Variants in SNTG2 observed in about 807,000 individuals in gnomAD.
SNTG2 encodes syntrophin gamma 2.
A neutral mutation model predicts 70.9 loss-of-function variants in SNTG2; 74 were observed. The observed-to-expected ratio is 1.04, with a 90% CI of 0.86 to 1.27. The LOEUF is 1.27. SNTG2 is among the 50% of genes most tolerant of loss of function. The pLI is 0.00. For missense variants in SNTG2, 717 were observed against 690.7 expected (o/e 1.04, Z -0.43); for synonymous variants, 278 against 273.8 (o/e 1.02, Z -0.15).
chr2:1,031,186 C>T (rs548720106), intron 1 of SNTG2, among the ~76,000 whole-genome samples: 2 of 152,210 alleles, frequency 1.3e-5, no homozygotes, highest in East Asian at 3.9e-4. Context: ...AAGCAGCCAC[C>T]TGACTTCTGG....
chr2:1,230,950 G>C (rs1480687372), intron 9 of SNTG2, among the ~76,000 whole-genome samples: 1 of 152,020 alleles, frequency 6.6e-6, no homozygotes. Context: ...AAGTTACTTA[G>C]GATAATGACA....
intron 14 of SNTG2, among the ~76,000 whole-genome samples, chr2:1,278,487 T>G (rs1679362060): frequency 6.6e-6 from 1 of 152,202 alleles, no homozygotes; most frequent in African/African-American, 2.4e-5. Context: ...CAGGAGGTGC[T>G]AGTGAGGTAT....
chr2:1,051,551 T>A (rs1225922515), intron 1 of SNTG2, among the ~76,000 whole-genome samples: 7 of 152,198 alleles, frequency 4.6e-5, no homozygotes, highest in Non-Finnish European at 1.0e-4. Flanking sequence ...CGGGGCAGCT[T>A]CTGTTGTCAT....
chr2:1,026,760 C>G (rs1027147591), intron 1 of SNTG2, among the ~76,000 whole-genome samples: 2 of 152,192 alleles, frequency 1.3e-5, no homozygotes, highest in Admixed American at 1.3e-4. Flanking sequence ...GGCAAATGGT[C>G]TGAGTGCCAT....
chr2:952,494 A>G (rs2147936859), intron 1 of SNTG2, among the ~76,000 whole-genome samples: 1 of 152,378 alleles, frequency 6.6e-6, no homozygotes, highest in Admixed American at 6.5e-5. Flanking sequence ...CGCGTATTCT[A>G]GTAAATGCTC....
chr2:1,012,184 C>G (rs1659746867), intron 1 of SNTG2, among the ~76,000 whole-genome samples: 1 of 152,228 alleles, frequency 6.6e-6, no homozygotes, highest in Admixed American at 6.5e-5. Flanking sequence ...GAAGCCGTAA[C>G]AACACTAAGC....
chr2:1,323,736 C>T (rs965953734), intron 16 of SNTG2, among the ~76,000 whole-genome samples: 2 of 149,206 alleles, frequency 1.3e-5, no homozygotes, highest in Non-Finnish European at 3.0e-5. Flanking sequence ...CCTCCCCCCA[C>T]CCAGTAGTGT....
Position 1,266,751 on chromosome 2 carries a change from C to CTTTTTTTTTTTTTT in SNTG2, c.1078-613_1078-600dup, listed in dbSNP as rs59679083. On this transcript the variant is annotated intron_variant, in intron 13 of 16. Transcript: ENST00000308624. ...AATGTCTCAAGACTTTCATCTTTAT[C>CTTTTTTTTTTTTTT]TTTTTTTTTTTTTTCTTGAGACAGG... is the stretch of plus-strand genomic sequence containing the variant. 4.3e-4 allele frequency among the ~76,000 whole-genome samples: 46 copies of CTTTTTTTTTTTTTT among 107,774 alleles called. 1 individual carries two copies. Among genetic ancestry groups the CTTTTTTTTTTTTTT allele is most frequent in the East Asian group, 9.1e-4 (3 of 3,290 alleles). The allele number at this position is 107,774 out of a possible 152,430, so 70.7% of individuals were successfully genotyped here.
rs1678801358 is a variant in SNTG2, at chr2:1,267,423, T to G, written c.1136T>G (p.Phe379Cys). 6.2e-7 allele frequency: 1 copy of G among 1,611,942 alleles called. No homozygotes were observed. Among genetic ancestry groups the G allele is most frequent in the Admixed American group, 1.7e-5 (1 of 59,714 alleles). ...QANLYLGLQD[F>C]DFEDQRPYCF... Reference sequence around the variant, plus strand: ...AACTTGTATCTGGGTCTTCAAGATTTTGACTTTGAGGACCAGAGGCCCTAT... The same window carrying G: ...AACTTGTATCTGGGTCTTCAAGATTGTGACTTTGAGGACCAGAGGCCCTAT... Residue 379 changes from phenylalanine to cysteine, a missense_variant, in exon 14 of 17, where the codon TTT becomes TGT. Coordinates refer to ENST00000308624, the MANE Select transcript of SNTG2 (RefSeq NM_018968.4).
chr2:1,206,107 T>C (rs1673616562), intron 8 of SNTG2, among the ~76,000 whole-genome samples: 1 of 152,204 alleles, frequency 6.6e-6, no homozygotes, highest in African/African-American at 2.4e-5. Context: ...ATAGGGTTTG[T>C]GATCAGCTGG....
rs186597065 is a variant in SNTG2 at position 1,218,304 on chromosome 2, C to T, written c.719+9074C>T. The stretch of plus-strand genomic sequence containing the variant: ...GTTGATTGCATTTGCAGAATCCCTT[C>T]ACAGAAACACCTAGTTTCTGTTGAT... On this transcript the variant is annotated intron_variant, in intron 9 of 16. Transcript: ENST00000308624. 3.3e-5 allele frequency among the ~76,000 whole-genome samples: 5 copies of T among 152,318 alleles called. No individual in the cohort carries two copies. The East Asian group carries it at 9.7e-4, about 29-fold the overall frequency.
intron 13 of SNTG2, chr2:1,262,814 G>C (rs1017196690): frequency 6.6e-6 from 1 of 151,172 alleles, no homozygotes; most frequent in African/African-American, 2.5e-5. Context: ...TCCAGACGAC[G>C]AAACCCGAAG....
chr2:1,074,626 C>T (rs1663802967), intron 1 of SNTG2, among the ~76,000 whole-genome samples: 2 of 152,082 alleles, frequency 1.3e-5, no homozygotes, highest in South Asian at 4.1e-4. Flanking sequence ...ATTCATTCAC[C>T]CCTAAGATTC....
chr2:1,272,086 G>T (rs1039922849), intron 14 of SNTG2, among the ~76,000 whole-genome samples: 1 of 152,226 alleles, frequency 6.6e-6, no homozygotes, highest in East Asian at 1.9e-4. Context: ...GGGCCAGGGG[G>T]ATGGTTTGGG....
intron 1 of SNTG2, among the ~76,000 whole-genome samples, chr2:1,069,318 GAAAAAAATTCTTATATAAATGAAA>G (rs1663362356): frequency 6.9e-6 from 1 of 145,330 alleles, no homozygotes; most frequent in Non-Finnish European, 1.5e-5. Context: ...TTATATAAAT[GAAAAAAATTCTTATATAAATGAAA>G]AAAAAAAAAA....
intron 8 of SNTG2, among the ~76,000 whole-genome samples, chr2:1,185,625 G>A (rs1173194245): frequency 2.0e-5 from 3 of 152,192 alleles, no homozygotes; most frequent in African/African-American, 7.2e-5. Flanking sequence ...CCCTGGAGCA[G>A]AGGCCTGAGA....
intron 1 of SNTG2, among the ~76,000 whole-genome samples, chr2:1,034,182 T>C (rs985849044): frequency 1.3e-5 from 2 of 152,146 alleles, no homozygotes; most frequent in Admixed American, 6.5e-5. Context: ...TCATGTGTTC[T>C]CATCATTTAG....
intron 8 of SNTG2, among the ~76,000 whole-genome samples, chr2:1,197,664 A>G (rs897801773): frequency 1.3e-5 from 2 of 151,636 alleles, no homozygotes; most frequent in African/African-American, 4.9e-5. Context: ...CCTCCCAAGT[A>G]TCTGGGATTA....
At chr2:1,162,477 TA>T (rs1197444598) in intron 6 of SNTG2, among the ~76,000 whole-genome samples, 6 of 152,130 alleles carry the variant, frequency 3.9e-5, no homozygotes, top group Non-Finnish European at 7.4e-5. Flanking sequence ...TTTTGCCTTT[TA>T]AAATTACACT....
Sources: gnomAD v4.1 joint callset for allele counts (sites outside exome capture counted in the v4.1 genomes callset) on GRCh38, gnomAD v4.1.1 for gene constraint, MANE v1.5 for transcripts, NCBI Gene and HGNC (gene_info 2026-07-23, HGNC 2026-07-21) for gene names.